Variants in SKI observed in about 807,000 individuals in gnomAD.
SKI encodes ski oncogene.
In SKI, 23 loss-of-function variants were observed where a neutral mutation model predicts 59.3. The ratio of observed to expected loss-of-function variants is 0.39; its 90% CI spans 0.28 to 0.55. The LOEUF (loss-of-function observed/expected upper bound fraction) is 0.55. SKI is among the 20% of genes least tolerant of loss of function. The pLI is 0.67. For synonymous variants in SKI, 673 were observed against 488.6 expected, an observed-to-expected ratio of 1.38 and a Z score of -4.98; for missense variants, 1,017 against 1,038.9, an observed-to-expected ratio of 0.98 and a Z score of 0.29.
In SKI at chr1:2,268,277, G is replaced by A. The variant is rs549970557; in HGVS notation, c.970-34701G>A. On this transcript the variant is annotated intron_variant, in intron 1 of 6. Coordinates refer to ENST00000378536, the MANE Select transcript of SKI (RefSeq NM_003036.4). The surrounding 1 kb of genome is among the most constrained non-coding windows in gnomAD (Gnocchi z 5.0). ...TTGCCCCTCCAGTGCCTCCCAGGGG[G>A]CTGTGTAGCCAGGTGTCTCAGAGGG... Among the ~76,000 whole-genome samples the A allele has an allele frequency of 6.6e-5, 10 of 152,300 alleles. No homozygotes were observed. In the East Asian group the frequency reaches 1.9e-3, roughly 29 times the overall value.
In SKI at chr1:2,267,023, G is replaced by A. The variant is rs1363991465; in HGVS notation, c.970-35955G>A. On this transcript the variant is annotated intron_variant, in intron 1 of 6. Coordinates refer to ENST00000378536, the MANE Select transcript of SKI (RefSeq NM_003036.4). This position sits in a 1 kb window ranked among gnomAD's most constrained non-coding sequence, Gnocchi z 4.1. ...AATTGTGCTGACTGGCACATCCATT[G>A]TGAGCGGATGTGTTTTCCTTCTGCA... 6.6e-6 allele frequency among the ~76,000 whole-genome samples: 1 copy of A among 152,172 alleles called. No homozygotes were observed. The highest frequency in any genetic ancestry group is 1.5e-5 in the Non-Finnish European group (1 of 68,036).
In SKI at chr1:2,267,409, G is replaced by A. The variant is rs1001432378; in HGVS notation, c.970-35569G>A. On this transcript the variant is annotated intron_variant, in intron 1 of 6. Transcript: ENST00000378536. The surrounding 1 kb of genome is among the most constrained non-coding windows in gnomAD (Gnocchi z 4.1). ...AAGGGGTGTGTTGACAGGGCCGTTC[G>A]GGCCGGAGCAGGTGCGACAGGAATG... is the stretch of plus-strand genomic sequence containing the variant. Among the ~76,000 whole-genome samples, 18 of 152,164 alleles carry A rather than the reference G, an allele frequency of 1.2e-4. No individual in the cohort carries two copies. The highest frequency in any genetic ancestry group is 2.1e-4 in the South Asian group (1 of 4,832).
chr1:2,280,101 G>A (rs1639838733), intron 1 of SKI, among the ~76,000 whole-genome samples: 1 of 152,148 alleles, frequency 6.6e-6, no homozygotes, highest in Non-Finnish European at 1.5e-5. Context: ...GGGTGTGGTG[G>A]CTCATGCCTG....
rs369496789 is a variant in SKI, at chr1:2,306,568, C to G, written c.1999-9C>G. ...AGCAGGCGCCGCTGACCACTCGGCT[C>G]CCTTTCAGATCGAAGACCTGCAGGT... On this transcript the variant is annotated splice_polypyrimidine_tract_variant and intron_variant, in intron 6 of 6. Transcript: ENST00000378536. 1 of 1,540,950 alleles carries G rather than the reference C, an allele frequency of 6.5e-7. No homozygotes were observed. The highest frequency in any genetic ancestry group is 8.7e-7 in the Non-Finnish European group (1 of 1,145,232).
intron 1 of SKI, among the ~76,000 whole-genome samples, chr1:2,233,138 G>GGGT (rs1638678848): frequency 6.6e-6 from 1 of 152,130 alleles, no homozygotes; most frequent in South Asian, 2.1e-4. Flanking sequence ...GCTGATAACA[G>GGGT]GGTGGTGCCG....
At chr1:2,278,841 G>C (rs980178035) in intron 1 of SKI, among the ~76,000 whole-genome samples, 1 of 152,172 alleles carries the variant, frequency 6.6e-6, no homozygotes, top group Non-Finnish European at 1.5e-5. Flanking sequence ...CGTGAGCACT[G>C]CCCTGTGAGC....
At chr1:2,266,751 G>A (rs1465551159) in intron 1 of SKI, among the ~76,000 whole-genome samples, 1 of 152,186 alleles carries the variant, frequency 6.6e-6, no homozygotes, top group African/African-American at 2.4e-5. Flanking sequence ...CACTCCATTT[G>A]TAAAATGAGA....
chr1:2,305,959 C>T (rs1640562163), intron 5 of SKI, 61 bp from the exon 6 acceptor site: 3 of 1,281,442 alleles, frequency 2.3e-6, no homozygotes, highest in Admixed American at 2.0e-5. Flanking sequence ...GACTGCTGGT[C>T]ATGGTGAGGG....
chr1:2,259,504 A>G (rs1297521969), intron 1 of SKI, among the ~76,000 whole-genome samples: 1 of 152,226 alleles, frequency 6.6e-6, no homozygotes, highest in Non-Finnish European at 1.5e-5. Context: ...AGCCTGGAAT[A>G]TAAGGGTGCA....
chr1:2,252,658 G>A (rs1639189459), intron 1 of SKI, among the ~76,000 whole-genome samples: 1 of 152,140 alleles, frequency 6.6e-6, no homozygotes. Context: ...TGGAGTACCC[G>A]GCCAGCGTCC....
intron 1 of SKI, among the ~76,000 whole-genome samples, chr1:2,298,792 C>T (rs1640351272): frequency 6.6e-6 from 1 of 152,232 alleles, no homozygotes; most frequent in Admixed American, 6.5e-5. Context: ...GATCATCAGT[C>T]AAAAGCAAGA....
At chr1:2,236,591 G>C (rs1638753599) in intron 1 of SKI, among the ~76,000 whole-genome samples, 1 of 152,142 alleles carries the variant, frequency 6.6e-6, no homozygotes, top group African/African-American at 2.4e-5. Flanking sequence ...TATTTTAGTA[G>C]AGACGGGGTT....
intron 1 of SKI, among the ~76,000 whole-genome samples, chr1:2,277,531 T>G (rs541820997): frequency 6.6e-6 from 1 of 152,350 alleles, no homozygotes; most frequent in African/African-American, 2.4e-5. Context: ...CCACCCGCCA[T>G]GATTCTGAGG....
intron 1 of SKI, among the ~76,000 whole-genome samples, chr1:2,264,009 C>G (rs553538856): frequency 1.8e-5 from 2 of 111,760 alleles, no homozygotes; most frequent in African/African-American, 6.7e-5. Flanking sequence ...GACACTGTTT[C>G]TATTAAAAAA....
intron 1 of SKI, among the ~76,000 whole-genome samples, chr1:2,260,535 C>CTTTTTCTTTTTTTTTT (rs1639362890): frequency 1.5e-5 from 1 of 67,820 alleles, no homozygotes; most frequent in African/African-American, 6.2e-5. Flanking sequence ...TGTTCTTTTT[C>CTTTTTCTTTTTTTTTT]TTTTTTTTTT....
intron 1 of SKI, among the ~76,000 whole-genome samples, chr1:2,256,088 G>C (rs1024375301): frequency 6.6e-6 from 1 of 150,664 alleles, no homozygotes; most frequent in Non-Finnish European, 1.5e-5. Context: ...TCTGTGTACT[G>C]ACCTCATTTC....
At chr1:2,282,097 G>A (rs1361022740) in intron 1 of SKI, among the ~76,000 whole-genome samples, 19 of 82,978 alleles carry the variant, frequency 2.3e-4, no homozygotes, top group East Asian at 1.2e-3. Flanking sequence ...AGGCGGTGGC[G>A]GAGATCTTCA....
chr1:2,260,543 T>C (rs868638337), intron 1 of SKI, among the ~76,000 whole-genome samples: 1,638 of 131,676 alleles, frequency 0.012, 57 homozygotes, highest in African/African-American at 0.046. Flanking sequence ...TTCTTTTTTT[T>C]TTTTTTTTTT....
intron 1 of SKI, among the ~76,000 whole-genome samples, chr1:2,279,604 G>A (rs1486045737): frequency 6.6e-6 from 1 of 152,096 alleles, no homozygotes; most frequent in East Asian, 1.9e-4. Context: ...AGCAGAGTGG[G>A]TGAGACGAGG....
Sources: allele counts gnomAD v4.1 joint callset (sites outside exome capture counted in the v4.1 genomes callset), GRCh38; gene constraint gnomAD v4.1.1; non-coding constraint Gnocchi (gnomAD v3.1); transcripts MANE v1.5; gene names NCBI Gene and HGNC (gene_info 2026-07-23, HGNC 2026-07-21).